Variants in PRKN observed in about 807,000 individuals in gnomAD.
PRKN encodes the protein E3 ubiquitin-protein ligase parkin.
In PRKN, 56 loss-of-function variants were observed where a neutral mutation model predicts 59.5. The ratio of observed to expected loss-of-function variants is 0.94; its 90% CI spans 0.76 to 1.18. PRKN has a LOEUF of 1.18. Ranked by LOEUF, PRKN falls within the 50% of genes most tolerant of loss-of-function variation. PRKN has a pLI of 0.00. For missense variants in PRKN, 657 were observed against 596.4 expected (o/e 1.10, Z -1.06); for synonymous variants, 250 against 222.1 (o/e 1.13, Z -1.12).
chr6:161,474,265 T>A (rs964954305), intron 9 of PRKN, among the ~76,000 whole-genome samples: 1 of 152,186 alleles, frequency 6.6e-6, no homozygotes, highest in Non-Finnish European at 1.5e-5. Flanking sequence ...TAATGGCTCT[T>A]CATAACTCTT....
rs1040217846 is a variant in PRKN at position 161,484,803 on chromosome 6, G to A, written c.1083+64051C>T. Among the ~76,000 whole-genome samples, 4 of 152,118 alleles carry A rather than the reference G, an allele frequency of 2.6e-5. No homozygotes were observed. The highest frequency in any genetic ancestry group is 5.9e-5 in the Non-Finnish European group (4 of 68,022). On this transcript the variant is annotated intron_variant, in intron 9 of 11. Transcript: ENST00000366898. The surrounding 1 kb of genome is among the most constrained non-coding windows in gnomAD (Gnocchi z 4.9). ...CAGACATGACCAAATATCCCCTGGG[G>A]ACAAAATCGCTGGCAACTGAGCACC...
At chr6:162,501,509 G>A (rs1793370105) in intron 1 of PRKN, among the ~76,000 whole-genome samples, 1 of 124,342 alleles carries the variant, frequency 8.0e-6, no homozygotes, top group African/African-American at 3.0e-5. Flanking sequence ...CACCACGCCT[G>A]GTTAATTTTT....
At chr6:161,767,413 A>T (rs1789472456) in intron 7 of PRKN, among the ~76,000 whole-genome samples, 1 of 151,924 alleles carries the variant, frequency 6.6e-6, no homozygotes, top group African/African-American at 2.4e-5. Flanking sequence ...GCTACTCAGG[A>T]GGCTGAAGCA....
chr6:162,266,932 A>G (rs1489396432), intron 2 of PRKN, among the ~76,000 whole-genome samples: 1 of 152,198 alleles, frequency 6.6e-6, no homozygotes, highest in African/African-American at 2.4e-5. Context: ...AGAAGCTATC[A>G]ATGTGACAAT....
rs1392596774 is a variant in PRKN, at chr6:161,354,652, G to A, written c.1286-4441C>T. ...CATTTCAGCTTCTCTGAGGGAGGAA[G>A]GGCATTCCTGAAACACAGCTGAGTA... On this transcript the variant is annotated intron_variant, in intron 11 of 11. Transcript: ENST00000366898. The surrounding 1 kb of genome is among the most constrained non-coding windows in gnomAD (Gnocchi z 6.7). Among the ~76,000 whole-genome samples, 1 of 152,174 alleles carries A rather than the reference G, an allele frequency of 6.6e-6. No individual in the cohort carries two copies. The highest frequency in any genetic ancestry group is 1.5e-5 in the Non-Finnish European group (1 of 68,038).
At chr6:162,725,913 G>A (rs1779151157) in intron 1 of PRKN, among the ~76,000 whole-genome samples, 1 of 152,082 alleles carries the variant, frequency 6.6e-6, no homozygotes, top group Non-Finnish European at 1.5e-5. Context: ...CATTTATGTT[G>A]TACTGCACAC....
intron 1 of PRKN, among the ~76,000 whole-genome samples, chr6:162,724,200 T>C (rs1779038989): frequency 1.3e-5 from 2 of 152,252 alleles, no homozygotes. Flanking sequence ...ATTACATTTT[T>C]CTAAATTGAA....
At chr6:162,304,883 AGGTT>A (rs1488149317) in intron 2 of PRKN, among the ~76,000 whole-genome samples, 1 of 152,144 alleles carries the variant, frequency 6.6e-6, no homozygotes, top group Non-Finnish European at 1.5e-5. Flanking sequence ...ATGGAAATCC[AGGTT>A]TTTAGATGTA....
intron 7 of PRKN, among the ~76,000 whole-genome samples, chr6:161,733,284 T>G (rs1163157344): frequency 6.6e-6 from 1 of 152,152 alleles, no homozygotes; most frequent in Non-Finnish European, 1.5e-5. Context: ...AAGCCAGAAT[T>G]AAAAGAACTG....
chr6:162,281,578 C>T (rs1178204398), intron 2 of PRKN, among the ~76,000 whole-genome samples: 1 of 151,950 alleles, frequency 6.6e-6, no homozygotes, highest in Non-Finnish European at 1.5e-5. Context: ...AAAATGAAAG[C>T]AAAATCCAAA....
chr6:161,539,106 T>C (rs1779528381), intron 9 of PRKN, among the ~76,000 whole-genome samples: 1 of 152,180 alleles, frequency 6.6e-6, no homozygotes, highest in Non-Finnish European at 1.5e-5. Flanking sequence ...TAAAATCCCC[T>C]GTAGGAAGTT....
chr6:161,859,158 C>T (rs960656831), intron 6 of PRKN, among the ~76,000 whole-genome samples: 1 of 151,698 alleles, frequency 6.6e-6, no homozygotes, highest in African/African-American at 2.4e-5. Context: ...CATAAGCCAC[C>T]ACACAAGGCC....
chr6:161,645,845 G>C (rs1313688871), intron 7 of PRKN, among the ~76,000 whole-genome samples: 1 of 152,286 alleles, frequency 6.6e-6, no homozygotes, highest in Non-Finnish European at 1.5e-5. Context: ...GTCTTGAAAA[G>C]GGAAATAAGT....
Position 161,530,765 on chromosome 6 carries a change from G to A in PRKN, c.1083+18089C>T, listed in dbSNP as rs533000141. Among the ~76,000 whole-genome samples, 7 of 151,794 alleles carry A rather than the reference G, an allele frequency of 4.6e-5. No homozygotes were observed. Among genetic ancestry groups the A allele is most frequent in the South Asian group, 2.1e-4 (1 of 4,804 alleles). Reference sequence around the variant, plus strand: ...ACTCCTGACCTCAGGTGATCCGCCCGTATTGGCCTCCCAAAGTGCTGGGAT... The same window carrying A: ...ACTCCTGACCTCAGGTGATCCGCCCATATTGGCCTCCCAAAGTGCTGGGAT... On this transcript the variant is annotated intron_variant, in intron 9 of 11. Coordinates refer to ENST00000366898, the MANE Select transcript of PRKN (RefSeq NM_004562.3). This position sits in a 1 kb window ranked among gnomAD's most constrained non-coding sequence, Gnocchi z 5.0.
intron 4 of PRKN, among the ~76,000 whole-genome samples, chr6:162,142,855 A>G (rs2128311325): frequency 6.6e-6 from 1 of 152,342 alleles, no homozygotes; most frequent in East Asian, 1.9e-4. Flanking sequence ...GGAAACAGGT[A>G]AATAATAATG....
At chr6:161,728,221 G>A (rs906697033) in intron 7 of PRKN, among the ~76,000 whole-genome samples, 4 of 148,826 alleles carry the variant, frequency 2.7e-5, no homozygotes, top group African/African-American at 1.0e-4. Context: ...GAGAATGATT[G>A]TTTTTCTCCT....
chr6:162,072,587 C>T (rs948243653), intron 4 of PRKN, among the ~76,000 whole-genome samples: 61 of 152,142 alleles, frequency 4.0e-4, no homozygotes, highest in African/African-American at 1.4e-3. Flanking sequence ...TCCATCCATA[C>T]CACTAGTCTT....
intron 1 of PRKN, among the ~76,000 whole-genome samples, chr6:162,697,451 A>T (rs552029634): frequency 1.3e-5 from 2 of 152,334 alleles, no homozygotes; most frequent in East Asian, 3.9e-4. Flanking sequence ...CTTTAGTAAA[A>T]AAAGCAAGTT....
chr6:161,623,835 C>T (rs1300130200), intron 7 of PRKN, among the ~76,000 whole-genome samples: 2 of 152,030 alleles, frequency 1.3e-5, no homozygotes, highest in Non-Finnish European at 2.9e-5. Context: ...TTTTCTTGCA[C>T]TGTGCTTTAA....
Sources: allele counts gnomAD v4.1 joint callset (sites outside exome capture counted in the v4.1 genomes callset), GRCh38; gene constraint gnomAD v4.1.1; non-coding constraint Gnocchi (gnomAD v3.1); transcripts MANE v1.5; gene names NCBI Gene and HGNC (gene_info 2026-07-23, HGNC 2026-07-21).